The following TFEB variants were observed in gnomAD, a reference collection of about 807,000 sequenced individuals.
TFEB encodes the protein T-cell transcription factor EB.
In TFEB, 12 loss-of-function variants were observed where a neutral mutation model predicts 48.0. The observed-to-expected ratio is 0.25, with a 90% CI of 0.16 to 0.40. The LOEUF is 0.40. Among genes scored for constraint, TFEB ranks in the 10% least tolerant of loss-of-function variants. The pLI, the probability that TFEB is intolerant of heterozygous loss-of-function variation, is 1.00. For synonymous variants in TFEB, 244 were observed against 261.4 expected (o/e 0.93, Z 0.64); for missense variants, 509 against 640.3 (o/e 0.79, Z 2.21).
intron 1 of TFEB, among the ~76,000 whole-genome samples, chr6:41,712,033 TC>T (rs1770503584): frequency 6.6e-6 from 1 of 151,962 alleles, no homozygotes; most frequent in Non-Finnish European, 1.5e-5. Context: ...GGGGGTCCAG[TC>T]CCCAGCCCCG....
chr6:41,692,542 C>T (rs940068224), intron 1 of TFEB, among the ~76,000 whole-genome samples: 4 of 152,182 alleles, frequency 2.6e-5, no homozygotes, highest in African/African-American at 9.7e-5. Context: ...ACAGGTGTGA[C>T]TTAAGCCCCC....
chr6:41,725,635 G>C (rs186236220), intron 1 of TFEB, among the ~76,000 whole-genome samples: 1 of 152,274 alleles, frequency 6.6e-6, no homozygotes, highest in Non-Finnish European at 1.5e-5. Context: ...CAACCGTTTT[G>C]ATCATATATT....
chr6:41,709,760 G>C (rs1188322379), intron 1 of TFEB, among the ~76,000 whole-genome samples: 2 of 152,108 alleles, frequency 1.3e-5, no homozygotes, highest in African/African-American at 2.4e-5. Context: ...TTCCCATCTG[G>C]TTCAATATCC....
chr6:41,684,472 G>A lies in TFEB; in HGVS notation c.*127C>T, dbSNP rs1161037315. 1.5e-5 allele frequency: 18 copies of A among 1,227,668 alleles called. No homozygotes were observed. The highest frequency in any genetic ancestry group is 1.3e-4 in the South Asian group (7 of 52,442). The allele number at this position is 1,227,668 out of a possible 1,614,324, so 76.0% of individuals were successfully genotyped here. ...GCACTAAGTCCAAACAGGGGCCAAC[G>A]GGGAGGAGGGAGGCAGGGCAGGTGG... On this transcript the variant is annotated 3_prime_UTR_variant, in exon 9 of 9. Transcript: ENST00000373033.
intron 1 of TFEB, among the ~76,000 whole-genome samples, chr6:41,701,149 A>ATGCACACATGTCCATG (rs1253162675): frequency 6.6e-6 from 1 of 152,180 alleles, no homozygotes; most frequent in Non-Finnish European, 1.5e-5. Flanking sequence ...GCACGCACAC[A>ATGCACACATGTCCATG]TGCACACATG....
At chr6:41,715,922 C>T (rs909767139) in intron 1 of TFEB, among the ~76,000 whole-genome samples, 2 of 152,134 alleles carry the variant, frequency 1.3e-5, no homozygotes, top group African/African-American at 2.4e-5. Flanking sequence ...TCACCACTGT[C>T]GTGGTGCCTG....
chr6:41,700,202 C>T (rs1044127542), intron 1 of TFEB, among the ~76,000 whole-genome samples: 23 of 151,074 alleles, frequency 1.5e-4, no homozygotes, highest in African/African-American at 4.7e-4. Flanking sequence ...CGCGGTGGCT[C>T]ACGCCTGTAA....
At chr6:41,733,768 C>G (rs890103671) in intron 1 of TFEB, 2 of 985,136 alleles carry the variant, frequency 2.0e-6, no homozygotes, top group Non-Finnish European at 2.4e-6. Context: ...CCTCCCCGGA[C>G]AGTGAGCTCC....
rs13200335 is a variant in TFEB at position 41,723,085 on chromosome 6, C to A, written c.-23+12265G>T. On this transcript the variant is annotated intron_variant, in intron 1 of 8. Coordinates refer to ENST00000373033, the MANE Select transcript of TFEB (RefSeq NM_001271944.2). This position sits in a 1 kb window ranked among gnomAD's most constrained non-coding sequence, Gnocchi z 6.0. ...TGGCCTGGCCAGTGACATGCTAAGC[C>A]CATCCTGCCCATGACCTTCTCACTC... Among the ~76,000 whole-genome samples, 78,915 of 151,946 alleles carry A rather than the reference C, an allele frequency of 0.52. 21,819 individuals are homozygous for A. Among genetic ancestry groups the A allele is most frequent in the African/African-American group, 0.72 (29,685 of 41,432 alleles).
chr6:41,720,208 G>T lies in TFEB; in HGVS notation c.-23+15142C>A, dbSNP rs2127263390. Among the ~76,000 whole-genome samples the T allele has an allele frequency of 1.3e-5, 2 of 152,260 alleles. No homozygotes were observed. Among genetic ancestry groups the T allele is most frequent in the South Asian group, 4.1e-4 (2 of 4,822 alleles). The stretch of plus-strand genomic sequence containing the variant: ...AGCCCCTTAAGCTGGGACTCCTGGG[G>T]TACTCAATGAAGAGTGGAGCTTTAG... On this transcript the variant is annotated intron_variant, in intron 1 of 8. Coordinates refer to ENST00000373033, the MANE Select transcript of TFEB (RefSeq NM_001271944.2). This position sits in a 1 kb window ranked among gnomAD's most constrained non-coding sequence, Gnocchi z 4.1.
At chr6:41,690,539 C>G in intron 3 of TFEB, 124 bp downstream of exon 3, 1 of 1,212,810 alleles carries the variant, frequency 8.2e-7, no homozygotes, top group South Asian at 2.2e-5. Flanking sequence ...GGGCTCTGTC[C>G]CCACCTCAGA....
At chr6:41,736,021 C>T, upstream of TFEB, 1 of 1,272,170 alleles carries the variant, frequency 7.9e-7, no homozygotes, top group South Asian at 1.2e-5. Flanking sequence ...CTGGATCTTG[C>T]ACTTTTATCC....
intron 1 of TFEB, among the ~76,000 whole-genome samples, chr6:41,731,173 C>T (rs868860540): frequency 7.9e-5 from 12 of 152,192 alleles, no homozygotes. Context: ...CACGACAGCA[C>T]TAGTAGGTGG....
chr6:41,699,814 A>C (rs1395239850), intron 1 of TFEB, among the ~76,000 whole-genome samples: 1 of 152,262 alleles, frequency 6.6e-6, no homozygotes, highest in Non-Finnish European at 1.5e-5. Context: ...TCAATGGGAC[A>C]CGCACATGCT....
chr6:41,729,363 T>A (rs1430802249), intron 1 of TFEB, among the ~76,000 whole-genome samples: 1 of 152,168 alleles, frequency 6.6e-6, no homozygotes, highest in Non-Finnish European at 1.5e-5. Context: ...GGGAACAGCT[T>A]ATTTCTGTGT....
intron 7 of TFEB, chr6:41,686,509 T>A: frequency 5.2e-5 from 2 of 38,232 alleles, no homozygotes; most frequent in Non-Finnish European, 1.3e-4. Flanking sequence ...CCTACCTTTC[T>A]TTTTTTTTTT....
rs768487116 is a variant in TFEB, at chr6:41,687,894, G to C, written c.670+14C>G. ...TCGGGTATTCAAAGGCACAGGGGTAGAGGGAGGCAGTACCTGTGAGCTCTC... is the reference window on the plus strand; with the variant it reads ...TCGGGTATTCAAAGGCACAGGGGTACAGGGAGGCAGTACCTGTGAGCTCTC... On this transcript the variant is annotated intron_variant, in intron 5 of 8. Coordinates refer to ENST00000373033, the MANE Select transcript of TFEB (RefSeq NM_001271944.2). The C allele has an allele frequency of 1.9e-6, 3 of 1,612,344 alleles. No individual in the cohort carries two copies. Among genetic ancestry groups the C allele is most frequent in the Non-Finnish European group, 2.5e-6 (3 of 1,178,616 alleles).
At position 41,697,408 on chromosome 6, in the gene TFEB, C is replaced by CAAA. The variant is rs56059829; in HGVS notation, c.-22-6176_-22-6174dup. Among the ~76,000 whole-genome samples the CAAA allele has an allele frequency of 2.7e-4, 17 of 63,506 alleles. 1 individual carries two copies. The highest frequency in any genetic ancestry group is 7.8e-4 in the African/African-American group (9 of 11,538). 41.7% of individuals were successfully genotyped at this position (63,506 alleles called of 152,430 possible). On this transcript the variant is annotated intron_variant, in intron 1 of 8. Coordinates refer to ENST00000373033, the MANE Select transcript of TFEB (RefSeq NM_001271944.2). ...GGGCAACAAGAGTGAAACTCCATCT[C>CAAA]AAAAAAAAAAAAAAAAAAAGAATGA... is the stretch of plus-strand genomic sequence containing the variant.
At chr6:41,710,078 A>C (rs1029403043) in intron 1 of TFEB, among the ~76,000 whole-genome samples, 1 of 152,180 alleles carries the variant, frequency 6.6e-6, no homozygotes, top group Non-Finnish European at 1.5e-5. Context: ...TAAATTTATA[A>C]ACGAGAAAAT....
Sources: gnomAD v4.1 joint callset for allele counts (sites outside exome capture counted in the v4.1 genomes callset) on GRCh38, gnomAD v4.1.1 for gene constraint, Gnocchi (gnomAD v3.1) non-coding constraint, MANE v1.5 for transcripts, NCBI Gene and HGNC (gene_info 2026-07-23, HGNC 2026-07-21) for gene names.